The following PRR11 variants were observed in gnomAD, a reference collection of about 807,000 sequenced individuals.
PRR11 encodes proline rich 11, also known as proline-rich protein 11.
PRR11 carries 30 observed loss-of-function variants against 45.6 expected under a neutral mutation model. The observed-to-expected ratio is 0.66, with a 90% confidence interval of 0.49 to 0.89. The LOEUF (loss-of-function observed/expected upper bound fraction) is 0.89. Ranked by LOEUF, PRR11 falls within the 40% of genes least tolerant of loss-of-function variation. PRR11 has a pLI of 0.00. For missense variants in PRR11, 373 were observed against 424.8 expected (o/e 0.88, Z 1.07); for synonymous variants, 128 against 153.5 (o/e 0.83, Z 1.23).
intron 1 of PRR11, among the ~76,000 whole-genome samples, chr17:59,158,947 C>A (rs558434745): frequency 1.3e-5 from 2 of 152,238 alleles, no homozygotes; most frequent in African/African-American, 4.8e-5. Flanking sequence ...CAGCCTCCCG[C>A]GTAGCTGGGA....
chr17:59,193,511 C>T lies in PRR11; in HGVS notation c.422C>T (p.Ser141Phe). Residue 141 changes from serine (S) to phenylalanine (F), a missense_variant, in exon 5 of 10, where the codon TCC becomes TTC. By Grantham distance (155) the Ser-to-Phe change is radical (BLOSUM62 -2). Transcript: ENST00000262293. The stretch of plus-strand genomic sequence containing the variant: ...TTCCAGACCATCTCAGAAAGTTCTT[C>T]CTGTCCAAGCTGTGGTCAAACATGT... ...EALKTISESSSCPSCGQTCHM... is the reference protein window; with the variant it reads ...EALKTISESSFCPSCGQTCHM... 1 of 1,614,156 alleles carries T rather than the reference C, an allele frequency of 6.2e-7. No individual in the cohort carries two copies. Among genetic ancestry groups the T allele is most frequent in the Non-Finnish European group, 8.5e-7 (1 of 1,180,006 alleles).
chr17:59,200,203 C>T (rs2046885785), intron 9 of PRR11, among the ~76,000 whole-genome samples: 2 of 152,292 alleles, frequency 1.3e-5, no homozygotes, highest in South Asian at 4.1e-4. Flanking sequence ...CTTATCCCAC[C>T]CAACCCTTAG....
chr17:59,170,018 C>G, intron 2 of PRR11, 138 bp downstream of exon 2: 1 of 1,142,002 alleles, frequency 8.8e-7, no homozygotes, highest in South Asian at 2.3e-5. Context: ...TTTGGGAGGC[C>G]GAGGTGGGTG....
At chr17:59,181,868 C>T (rs2046788891) in intron 2 of PRR11, 1 of 1,401,966 alleles carries the variant, frequency 7.1e-7, no homozygotes, top group Admixed American at 1.8e-5. Context: ...GTTGGCTTCT[C>T]CAAGCCATCT....
intron 2 of PRR11, among the ~76,000 whole-genome samples, chr17:59,178,739 C>T (rs1021622164): frequency 1.3e-5 from 2 of 152,094 alleles, no homozygotes; most frequent in African/African-American, 4.8e-5. Context: ...CTGAAGGAGG[C>T]CCTGGGTGTG....
intron 1 of PRR11, among the ~76,000 whole-genome samples, chr17:59,157,508 C>T (rs1397556420): frequency 6.6e-6 from 1 of 152,122 alleles, no homozygotes; most frequent in African/African-American, 2.4e-5. Flanking sequence ...TCAAGACCAG[C>T]CTGGCCAACA....
Position 59,163,336 on chromosome 17 carries a change from C to T in PRR11, c.-5-6412C>T, listed in dbSNP as rs543950994. ...GACCTCAGGTGATCCTCCTGCCTCC[C>T]GGCCTCCCAAAGTGCTGGGATTATA... is the stretch of plus-strand genomic sequence containing the variant. On this transcript the variant is annotated intron_variant, in intron 1 of 9. Transcript: ENST00000262293. Among the ~76,000 whole-genome samples, 24 of 152,206 alleles carry T rather than the reference C, an allele frequency of 1.6e-4. No homozygotes were observed. The East Asian group carries it at 4.1e-3, about 26-fold the overall frequency.
At chr17:59,165,865 C>T (rs1157194259) in intron 1 of PRR11, among the ~76,000 whole-genome samples, 1 of 152,018 alleles carries the variant, frequency 6.6e-6, no homozygotes, top group Admixed American at 6.6e-5. Flanking sequence ...CCCTGCTTCA[C>T]CTTCCTTCAT....
intron 1 of PRR11, among the ~76,000 whole-genome samples, chr17:59,159,371 T>G (rs1038540708): frequency 2.6e-5 from 4 of 152,260 alleles, no homozygotes. Flanking sequence ...ATTTCTCTAG[T>G]GTCTTTCCCC....
intron 1 of PRR11, among the ~76,000 whole-genome samples, chr17:59,156,587 A>G (rs558983038): frequency 4.6e-5 from 7 of 152,136 alleles, no homozygotes; most frequent in Non-Finnish European, 8.8e-5. Context: ...ATGAAATGCA[A>G]CAGTCATTTC....
Position 59,174,284 on chromosome 17 carries a change from C to A in PRR11, c.128+4404C>A, listed in dbSNP as rs182461099. ...GCTAAACTCGTAACCATGCTAGATC[C>A]GTTTCTAATGTGACAACATCACAAA... On this transcript the variant is annotated intron_variant, in intron 2 of 9. Transcript: ENST00000262293. Among the ~76,000 whole-genome samples the A allele has an allele frequency of 2.0e-4, 30 of 152,260 alleles. 1 individual carries two copies. The highest frequency in any genetic ancestry group is 1.8e-3 in the Admixed American group (28 of 15,278).
chr17:59,195,244 C>T (rs2046860063), intron 6 of PRR11, 87 bp from the exon 7 acceptor site: 1 of 981,286 alleles, frequency 1.0e-6, no homozygotes, highest in Non-Finnish European at 1.6e-6. Flanking sequence ...ACAAACTCAG[C>T]ACTCAGATAT....
chr17:59,185,406 C>T lies in PRR11; in HGVS notation c.280-34C>T, dbSNP rs73321214. 2.5e-3 allele frequency: 3,919 copies of T among 1,581,948 alleles called. 62 individuals carry two copies. The African/African-American group carries it at 0.039, about 16-fold the overall frequency. On this transcript the variant is annotated intron_variant, in intron 3 of 9. Transcript: ENST00000262293. ...GTTTTCTTGTCCTTATCATATTACT[C>T]ATAGGACTCAGAATTGTTTATTATT...
intron 2 of PRR11, chr17:59,178,354 G>A: frequency 2.4e-6 from 1 of 422,178 alleles, no homozygotes; most frequent in Non-Finnish European, 4.6e-6. Context: ...GAAGACTGTG[G>A]GAGCATCTGG....
At chr17:59,200,417 A>G (rs1188378993) in intron 9 of PRR11, among the ~76,000 whole-genome samples, 1 of 152,230 alleles carries the variant, frequency 6.6e-6, no homozygotes, top group African/African-American at 2.4e-5. Context: ...CGATATAGCA[A>G]GACTCTGCCT....
At chr17:59,159,803 C>T (rs561908152) in intron 1 of PRR11, among the ~76,000 whole-genome samples, 2 of 152,204 alleles carry the variant, frequency 1.3e-5, no homozygotes, top group Non-Finnish European at 2.9e-5. Context: ...AACCTAGCCC[C>T]TTCATCAAAG....
At chr17:59,182,650 C>G (rs953770263) in intron 2 of PRR11, among the ~76,000 whole-genome samples, 1 of 152,026 alleles carries the variant, frequency 6.6e-6, no homozygotes, top group African/African-American at 2.4e-5. Context: ...GCCTCGGCCT[C>G]CCAAAGTGTT....
Position 59,169,894 on chromosome 17 carries a change from T to G in PRR11, c.128+14T>G. On this transcript the variant is annotated intron_variant, in intron 2 of 9. Coordinates refer to ENST00000262293, the MANE Select transcript of PRR11 (RefSeq NM_018304.4). ...CTCACCAGAAAGGTAAGGCTTAATG[T>G]GGAACAGAAAAAATATTAGAGAGAT... The G allele has an allele frequency of 6.3e-7, 1 of 1,581,264 alleles. No individual in the cohort carries two copies. The highest frequency in any genetic ancestry group is 8.5e-7 in the Non-Finnish European group (1 of 1,171,028).
chr17:59,169,300 G>A (rs190458230), intron 1 of PRR11, among the ~76,000 whole-genome samples: 12 of 151,952 alleles, frequency 7.9e-5, no homozygotes, highest in African/African-American at 2.9e-4. Flanking sequence ...GTTTCTCCAC[G>A]TTGGTCAGGC....
Sources: allele counts gnomAD v4.1 joint callset (sites outside exome capture counted in the v4.1 genomes callset), GRCh38; gene constraint gnomAD v4.1.1; transcripts MANE v1.5; gene names NCBI Gene and HGNC (gene_info 2026-07-23, HGNC 2026-07-21).